RCC1L: variants seen among roughly 807,000 people sequenced by gnomAD.
RCC1L encodes RCC1 like.
In RCC1L, 46 loss-of-function variants were observed where a neutral mutation model predicts 58.6. That is an observed-to-expected ratio of 0.79 (90% CI 0.62 to 1.00). The LOEUF is 1.00. Among genes scored for constraint, RCC1L ranks in the 50% least tolerant of loss-of-function variants. RCC1L has a pLI of 0.00. For missense variants in RCC1L, 636 were observed against 623.6 expected, an observed-to-expected ratio of 1.02 and a Z score of -0.21; for synonymous variants, 281 against 262.9, an observed-to-expected ratio of 1.07 and a Z score of -0.67.
intron 6 of RCC1L, among the ~76,000 whole-genome samples, chr7:75,059,187 C>CAAAAAAAAAAAAAAAAAAA (rs71278503): frequency 1.3e-5 from 1 of 77,970 alleles, no homozygotes; most frequent in African/African-American, 4.2e-5. Flanking sequence ...ATGAGACTCT[C>CAAAAAAAAAAAAAAAAAAA]AAAAAAAAAA....
intron 4 of RCC1L, 140 bp from the exon 5 acceptor site, chr7:75,063,483 C>A (rs587695667): frequency 6.3e-6 from 6 of 953,300 alleles, no homozygotes; most frequent in South Asian, 5.3e-5. Context: ...AAGGTCAAAT[C>A]TTAGGTCGAG....
At chr7:75,061,683 T>C (rs1034655086) in intron 5 of RCC1L, among the ~76,000 whole-genome samples, 2,902 of 152,232 alleles carry the variant, frequency 0.019, 86 homozygotes, top group African/African-American at 0.065. Context: ...GTGTGTCTCC[T>C]GCCCTCCTCT....
chr7:75,042,370 G>A lies in RCC1L; in HGVS notation c.*662C>T. On this transcript the variant is annotated 3_prime_UTR_variant, in exon 11 of 11. Transcript: ENST00000610322. ...GGGGCCCTCGGCGCAGAGGAACTTG[G>A]CCTCGATTCTCTTCCTGAGGGGCTT... 2.0e-6 allele frequency: 2 copies of A among 985,772 alleles called. No homozygotes were observed. The allele number at this position is 985,772 out of a possible 1,614,324, so 61.1% of individuals were successfully genotyped here.
At chr7:75,033,341 G>C (rs1176888643) in intron 10 of RCC1L, among the ~76,000 whole-genome samples, 2 of 152,072 alleles carry the variant, frequency 1.3e-5, no homozygotes, top group African/African-American at 2.4e-5. Flanking sequence ...GGGAGAGTTA[G>C]ACTTAGACAA....
rs1805605804 is a variant in RCC1L at position 75,042,803 on chromosome 7, GGCTGCCATCCAA to G, written c.*217_*228del. The G allele has an allele frequency of 7.0e-7, 1 of 1,436,054 alleles. No homozygotes were observed. Among genetic ancestry groups the G allele is most frequent in the Non-Finnish European group, 9.2e-7 (1 of 1,090,850 alleles). 89.0% of individuals were successfully genotyped at this position (1,436,054 alleles called of 1,614,324 possible). ...GTGCGGGCCACAGCGGCCCACCAAA[GGCTGCCATCCAA>G]GCTGAGTTCCGCAGGCCTCACCTGC... On this transcript the variant is annotated 3_prime_UTR_variant, in exon 11 of 11. Transcript: ENST00000610322.
chr7:75,044,599 GAA>G (rs1169350324), intron 10 of RCC1L, among the ~76,000 whole-genome samples: 8 of 40,672 alleles, frequency 2.0e-4, no homozygotes, highest in African/African-American at 7.8e-4. Flanking sequence ...ACTCTGTCTC[GAA>G]AAAAAAAAAA....
At chr7:75,064,841 C>T in intron 3 of RCC1L, 193 bp from the exon 4 acceptor site, 1 of 649,728 alleles carries the variant, frequency 1.5e-6, no homozygotes, top group South Asian at 1.7e-5. Flanking sequence ...TCTAGACCCG[C>T]CTTCCCCTCC....
chr7:75,068,268 C>A (rs1241062062), intron 2 of RCC1L, among the ~76,000 whole-genome samples: 1 of 138,048 alleles, frequency 7.2e-6, no homozygotes, highest in Non-Finnish European at 1.5e-5. Context: ...TGCGGTCAGC[C>A]AAGATCACGC....
chr7:75,068,441 T>C (rs906049117), intron 2 of RCC1L, among the ~76,000 whole-genome samples: 2 of 151,940 alleles, frequency 1.3e-5, no homozygotes, highest in Non-Finnish European at 2.9e-5. Flanking sequence ...ATCCCAGCAC[T>C]CTGGGAGGCC....
At chr7:75,033,745 A>C (rs1242374719) in intron 10 of RCC1L, among the ~76,000 whole-genome samples, 1 of 151,878 alleles carries the variant, frequency 6.6e-6, no homozygotes, top group South Asian at 2.1e-4. Context: ...TGTAATCCCA[A>C]CTACTCAGAG....
downstream of RCC1L, among the ~76,000 whole-genome samples, chr7:75,039,882 G>A (rs998673904): frequency 3.9e-5 from 6 of 152,274 alleles, no homozygotes; most frequent in East Asian, 1.9e-4. Context: ...CCTAGCAACC[G>A]AGCTAATGGC....
chr7:75,038,083 G>A (rs1017874974), downstream of RCC1L, among the ~76,000 whole-genome samples: 1 of 152,200 alleles, frequency 6.6e-6, no homozygotes, highest in African/African-American at 2.4e-5. Flanking sequence ...CCTGGTGCAC[G>A]ATCACAGGCA....
Position 75,052,901 on chromosome 7 carries a change from G to A in RCC1L, c.1232-105C>T, listed in dbSNP as rs1395340971. The stretch of plus-strand genomic sequence containing the variant: ...GGCTTTCTAGAACCAGATACCTACA[G>A]AGCCCACTGTTCAGCTTTTACCAGG... On this transcript the variant is annotated intron_variant, in intron 9 of 10. Transcript: ENST00000610322. 9.4e-6 allele frequency: 10 copies of A among 1,058,928 alleles called. No individual in the cohort carries two copies. In the Admixed American group the frequency reaches 9.9e-5, roughly 11 times the overall value. The allele number at this position is 1,058,928 out of a possible 1,614,324, so 65.6% of individuals were successfully genotyped here.
chr7:75,039,312 G>C (rs1351325827), downstream of RCC1L, among the ~76,000 whole-genome samples: 2 of 152,252 alleles, frequency 1.3e-5, no homozygotes. Flanking sequence ...GCAACCTGCT[G>C]GGCCGTGCCC....
intron 5 of RCC1L, among the ~76,000 whole-genome samples, chr7:75,061,538 C>T (rs935345292): frequency 6.6e-6 from 1 of 152,266 alleles, no homozygotes; most frequent in East Asian, 1.9e-4. Context: ...ATCCATCCCA[C>T]GCCATCTCCA....
intron 10 of RCC1L, among the ~76,000 whole-genome samples, chr7:75,032,212 G>C (rs1402213779): frequency 6.6e-6 from 1 of 152,082 alleles, no homozygotes; most frequent in Non-Finnish European, 1.5e-5. Context: ...GGCAGAGCCA[G>C]GCCTGGGAGT....
At chr7:75,062,347 G>C (rs1247883038) in intron 5 of RCC1L, among the ~76,000 whole-genome samples, 1 of 152,104 alleles carries the variant, frequency 6.6e-6, no homozygotes, top group Non-Finnish European at 1.5e-5. Context: ...GTGAGAATCT[G>C]TCTCTTTAAA....
intron 10 of RCC1L, among the ~76,000 whole-genome samples, chr7:75,044,489 C>G (rs971689130): frequency 1.5e-4 from 22 of 149,070 alleles, no homozygotes; most frequent in African/African-American, 5.2e-4. Flanking sequence ...ACCCCAGCTA[C>G]TCGGGAGGCT....
intron 10 of RCC1L, among the ~76,000 whole-genome samples, chr7:75,050,320 A>C (rs1554443203): frequency 1.3e-5 from 2 of 152,188 alleles, no homozygotes; most frequent in Non-Finnish European, 2.9e-5. Flanking sequence ...AATAAAAAGC[A>C]AATGACCAGA....
Sources: allele counts gnomAD v4.1 joint callset (sites outside exome capture counted in the v4.1 genomes callset), GRCh38; gene constraint gnomAD v4.1.1; transcripts MANE v1.5; gene names NCBI Gene and HGNC (gene_info 2026-07-23, HGNC 2026-07-21).